The following NME8 variants were observed in gnomAD, a reference collection of about 807,000 sequenced individuals.
NME8 encodes the protein protein NME8.
Under a neutral mutation model 82.3 loss-of-function variants are expected in NME8, and 72 were observed. That is an observed-to-expected ratio of 0.87 (90% CI 0.72 to 1.06). The LOEUF (loss-of-function observed/expected upper bound fraction) is 1.06, where lower values mean the gene tolerates loss of function less well. Ranked by LOEUF, NME8 falls within the 50% of genes least tolerant of loss-of-function variation. NME8 has a pLI of 0.00. For missense variants in NME8, 712 were observed against 685.4 expected (o/e 1.04, Z -0.43); for synonymous variants, 267 against 228.5 (o/e 1.17, Z -1.52).
chr7:37,888,336 C>T lies in NME8; in HGVS notation c.1307C>T (p.Ser436Leu). The stretch of plus-strand genomic sequence containing the variant: ...GTCAACCAGTTGTATGGCAGCGATT[C>T]ATTAGAAACCGCTGAAAGGGAAATA... ...LPVNQLYGSD[S>L]LETAEREIQH... The change falls in exon 15 of 18, where the codon TCA (serine) becomes TTA (leucine). Residue 436 changes from serine to leucine, a missense_variant. Physicochemically the swap from Ser to Leu is moderately radical, Grantham distance 145. Coordinates refer to ENST00000199447, the MANE Select transcript of NME8 (RefSeq NM_016616.5). 6.2e-7 allele frequency: 1 copy of T among 1,613,370 alleles called. No homozygotes were observed. The highest frequency in any genetic ancestry group is 8.5e-7 in the Non-Finnish European group (1 of 1,179,430).
At chr7:37,851,453 A>G (rs1775697810) in intron 5 of NME8, among the ~76,000 whole-genome samples, 1 of 150,912 alleles carries the variant, frequency 6.6e-6, no homozygotes, top group African/African-American at 2.5e-5. Context: ...AAATGTTATT[A>G]AAGCTAATTA....
chr7:37,874,317 C>G (rs1401622630), intron 11 of NME8, among the ~76,000 whole-genome samples: 4 of 152,114 alleles, frequency 2.6e-5, no homozygotes, highest in South Asian at 2.1e-4. Flanking sequence ...ATTATCTCAA[C>G]AAAACCTAGA....
Position 37,865,556 on chromosome 7 carries a change from A to C in NME8, c.560A>C (p.Glu187Ala). The C allele has an allele frequency of 6.2e-7, 1 of 1,613,216 alleles. No individual in the cohort carries two copies. The highest frequency in any genetic ancestry group is 8.5e-7 in the Non-Finnish European group (1 of 1,179,246). The change falls in exon 10 of 18, where the codon GAG (glutamate) becomes GCG (alanine). Residue 187 changes from glutamate (E) to alanine (A), a missense_variant. Physicochemically the swap from Glu to Ala is moderately radical, Grantham distance 107. Coordinates refer to ENST00000199447, the MANE Select transcript of NME8 (RefSeq NM_016616.5). ...ITKAGFIIEA[E>A]HKTVLTEEQV... ...AAAGCTGGATTTATTATAGAAGCAG[A>C]GCATAAGACAGTGCTCACTGAAGAA...
chr7:37,882,579 GAA>G (rs1562838058), intron 12 of NME8, among the ~76,000 whole-genome samples: 8 of 47,320 alleles, frequency 1.7e-4, no homozygotes, highest in African/African-American at 4.1e-4. Flanking sequence ...AAGAAAGAAA[GAA>G]AGAAAGAAAG....
intron 6 of NME8, among the ~76,000 whole-genome samples, chr7:37,858,104 A>G (rs1310109750): frequency 6.6e-6 from 1 of 152,164 alleles, no homozygotes; most frequent in Non-Finnish European, 1.5e-5. Context: ...AAATAGTGCT[A>G]TTTTCTAAAA....
intron 17 of NME8, among the ~76,000 whole-genome samples, chr7:37,899,886 A>G (rs1419960090): frequency 6.6e-6 from 1 of 151,962 alleles, no homozygotes; most frequent in African/African-American, 2.4e-5. Flanking sequence ...CAGCCTGTCC[A>G]TCGTGTTCAG....
At chr7:37,861,508 T>C (rs1784596486) in intron 6 of NME8, among the ~76,000 whole-genome samples, 1 of 152,146 alleles carries the variant, frequency 6.6e-6, no homozygotes, top group South Asian at 2.1e-4. Context: ...CCTACTAAGG[T>C]TGCTGTTTCA....
At chr7:37,883,909 A>T (rs1993053) in intron 12 of NME8, among the ~76,000 whole-genome samples, 12,296 of 152,112 alleles carry the variant, frequency 0.081, 599 homozygotes, top group South Asian at 0.17. Flanking sequence ...GAACATAAAA[A>T]TTATTTGCAA....
At chr7:37,894,224 A>T (rs565470536) in intron 15 of NME8, among the ~76,000 whole-genome samples, 9 of 152,122 alleles carry the variant, frequency 5.9e-5, no homozygotes. Flanking sequence ...CTTGTGGCCT[A>T]CTAGGTGTTT....
chr7:37,866,651 A>G (rs999672930), intron 10 of NME8, among the ~76,000 whole-genome samples: 1 of 152,210 alleles, frequency 6.6e-6, no homozygotes, highest in Non-Finnish European at 1.5e-5. Flanking sequence ...AAAATGTAGG[A>G]GACTAGTGAC....
At chr7:37,876,229 T>TATATATAG (rs1044568242) in intron 11 of NME8, among the ~76,000 whole-genome samples, 77 of 146,192 alleles carry the variant, frequency 5.3e-4, no homozygotes, top group Admixed American at 2.6e-3. Flanking sequence ...TATATATATA[T>TATATATAG]ATAGATAGAT....
chr7:37,876,428 T>G (rs952240723), intron 11 of NME8, among the ~76,000 whole-genome samples: 3 of 151,978 alleles, frequency 2.0e-5, no homozygotes, highest in African/African-American at 7.2e-5. Context: ...AATAAAAAGG[T>G]AATTGGAAAT....
At chr7:37,852,381 G>A (rs994002184) in intron 5 of NME8, among the ~76,000 whole-genome samples, 4 of 152,046 alleles carry the variant, frequency 2.6e-5, no homozygotes, top group African/African-American at 9.7e-5. Flanking sequence ...TTACATTAAA[G>A]TTCATTCTCG....
chr7:37,857,211 A>C, intron 5 of NME8, 63 bp from the exon 6 acceptor site: 2 of 1,204,260 alleles, frequency 1.7e-6, no homozygotes, highest in Non-Finnish European at 2.4e-6. Context: ...GTTTCAACAT[A>C]GTGTATCAAA....
rs1283874441 is a variant in NME8 at position 37,857,368 on chromosome 7, T to C, written c.270+23T>C. 2.7e-6 allele frequency: 4 copies of C among 1,476,650 alleles called. No homozygotes were observed. In the African/African-American group the frequency reaches 4.1e-5, roughly 15 times the overall value. 91.5% of individuals were successfully genotyped at this position (1,476,650 alleles called of 1,614,324 possible). On this transcript the variant is annotated intron_variant, in intron 6 of 17. Transcript: ENST00000199447. The stretch of plus-strand genomic sequence containing the variant: ...GTTGTAAGTATATTTACTTTCTCAA[T>C]TGCATTATCAGATTCCAGTTTGCAG...
intron 5 of NME8, among the ~76,000 whole-genome samples, chr7:37,856,852 A>G (rs1398682234): frequency 6.6e-6 from 1 of 152,160 alleles, no homozygotes; most frequent in African/African-American, 2.4e-5. Flanking sequence ...AGCAGGTGTA[A>G]CAGGCCCACA....
chr7:37,897,323 C>T (rs890527431), intron 17 of NME8, among the ~76,000 whole-genome samples: 1 of 151,982 alleles, frequency 6.6e-6, no homozygotes, highest in African/African-American at 2.4e-5. Flanking sequence ...TGCTTGTAAC[C>T]AGGCTGGGGA....
At chr7:37,856,992 G>A (rs1418186254) in intron 5 of NME8, among the ~76,000 whole-genome samples, 5 of 152,136 alleles carry the variant, frequency 3.3e-5, no homozygotes, top group Non-Finnish European at 5.9e-5. Flanking sequence ...TAGTTGAACA[G>A]GGACAGTAAA....
chr7:37,860,123 T>C (rs999967642), intron 6 of NME8, among the ~76,000 whole-genome samples: 2 of 152,224 alleles, frequency 1.3e-5, no homozygotes, highest in Non-Finnish European at 2.9e-5. Context: ...TCAGGTTTCA[T>C]TTAAACCTTA....
Sources: allele counts gnomAD v4.1 joint callset (sites outside exome capture counted in the v4.1 genomes callset), GRCh38; gene constraint gnomAD v4.1.1; transcripts MANE v1.5; gene names NCBI Gene and HGNC (gene_info 2026-07-23, HGNC 2026-07-21).